Variants in PTPRJ observed in about 807,000 individuals in gnomAD.
PTPRJ encodes protein tyrosine phosphatase receptor type J.
PTPRJ carries 129 observed loss-of-function variants against 141.3 expected under a neutral mutation model. That is an observed-to-expected ratio of 0.91 (90% confidence interval 0.79 to 1.06). PTPRJ has a LOEUF of 1.06. Ranked by LOEUF, PTPRJ falls within the 50% of genes least tolerant of loss-of-function variation. PTPRJ has a pLI of 0.00. For missense variants in PTPRJ, 1,601 were observed against 1,679.7 expected (o/e 0.95, Z 0.82); for synonymous variants, 610 against 640.5 (o/e 0.95, Z 0.72).
rs746379677 is a variant in PTPRJ at position 48,121,157 on chromosome 11, A to G, written c.507A>G (p.Pro169=). 43 of 1,614,068 alleles carry G rather than the reference A, an allele frequency of 2.7e-5. No homozygotes were observed. The highest frequency in any genetic ancestry group is 2.4e-4 in the East Asian group (11 of 44,898). The part of the protein sequence containing the change: ...NEKTITVVHQ[P]WCNITGLRPA... ...AGACAATTACTGTTGTGCATCAACCATGGTGTAACATCACAGGCTTACGTC... is the reference window on the plus strand; with the variant it reads ...AGACAATTACTGTTGTGCATCAACCGTGGTGTAACATCACAGGCTTACGTC... The change falls in exon 4 of 25, where the codon CCA becomes CCG. Residue 169 remains proline, a synonymous_variant. Transcript: ENST00000418331.
At chr11:48,124,011 C>A in intron 5 of PTPRJ, 141 bp downstream of exon 5, 1 of 960,806 alleles carries the variant, frequency 1.0e-6, no homozygotes, top group Non-Finnish European at 1.5e-6. Context: ...TTAGTTTGAT[C>A]CCCCACCTGC....
At chr11:48,081,251 T>A (rs1479687279) in intron 1 of PTPRJ, among the ~76,000 whole-genome samples, 6 of 152,172 alleles carry the variant, frequency 3.9e-5, no homozygotes, top group Non-Finnish European at 8.8e-5. Context: ...TGCCCCCTCC[T>A]GCCGGCGACA....
intron 1 of PTPRJ, among the ~76,000 whole-genome samples, chr11:47,982,730 T>A (rs965557982): frequency 6.6e-6 from 1 of 151,900 alleles, no homozygotes; most frequent in African/African-American, 2.4e-5. Context: ...CCATAGTGGT[T>A]GCTAGCTGTG....
intron 5 of PTPRJ, 104 bp from the exon 6 acceptor site, chr11:48,124,864 G>A: frequency 9.7e-7 from 1 of 1,031,100 alleles, no homozygotes; most frequent in Non-Finnish European, 1.5e-6. Context: ...CACCAACTGT[G>A]GCCACTGTCT....
At chr11:48,081,569 C>T (rs138705174) in intron 1 of PTPRJ, among the ~76,000 whole-genome samples, 3 of 152,124 alleles carry the variant, frequency 2.0e-5, no homozygotes, top group African/African-American at 7.2e-5. Flanking sequence ...TTGTGTTGGT[C>T]GGTCGCCACA....
At chr11:48,091,328 G>A (rs759621522) in intron 1 of PTPRJ, among the ~76,000 whole-genome samples, 2 of 152,168 alleles carry the variant, frequency 1.3e-5, no homozygotes, top group Non-Finnish European at 2.9e-5. Flanking sequence ...CTGGCCTAGG[G>A]GAAGAGCTCA....
At chr11:48,092,446 T>C (rs1855896346) in intron 1 of PTPRJ, among the ~76,000 whole-genome samples, 1 of 151,788 alleles carries the variant, frequency 6.6e-6, no homozygotes, top group Admixed American at 6.6e-5. Flanking sequence ...TTCTTTTTTT[T>C]TGAGACAGAG....
At chr11:48,119,888 ACTC>A (rs1429138513) in intron 3 of PTPRJ, among the ~76,000 whole-genome samples, 1 of 152,000 alleles carries the variant, frequency 6.6e-6, no homozygotes, top group African/African-American at 2.4e-5. Context: ...TCTGGTTGTT[ACTC>A]CTCAGTCTTC....
rs1322635599 is a variant in PTPRJ at position 48,125,190 on chromosome 11, G to A, written c.1093+4G>A. The A allele has an allele frequency of 2.5e-6, 4 of 1,612,942 alleles. No individual in the cohort carries two copies. The highest frequency in any genetic ancestry group is 1.3e-5 in the African/African-American group (1 of 74,902). On this transcript the variant is annotated splice_donor_region_variant and intron_variant, in intron 6 of 24. Transcript: ENST00000418331. ...CAGGCCATAGAGTTCAGGACAAGTAGGTTGAACTTTGTAAAATGGTGGCAG... is the reference window on the plus strand; with the variant it reads ...CAGGCCATAGAGTTCAGGACAAGTAAGTTGAACTTTGTAAAATGGTGGCAG...
intron 4 of PTPRJ, among the ~76,000 whole-genome samples, chr11:48,122,251 G>T (rs1856724608): frequency 1.3e-5 from 2 of 152,194 alleles, no homozygotes; most frequent in African/African-American, 4.8e-5. Context: ...GGAGAGCACA[G>T]AGAGATGACA....
intron 1 of PTPRJ, among the ~76,000 whole-genome samples, chr11:47,987,111 G>A (rs1254310190): frequency 6.6e-6 from 1 of 152,132 alleles, no homozygotes; most frequent in East Asian, 1.9e-4. Flanking sequence ...GAGAGGCTGA[G>A]TTGGGAGGAT....
intron 1 of PTPRJ, among the ~76,000 whole-genome samples, chr11:48,010,569 C>CTCTG (rs1254604544): frequency 6.6e-6 from 1 of 152,052 alleles, no homozygotes; most frequent in Admixed American, 6.6e-5. Flanking sequence ...CGGAGTCTCA[C>CTCTG]TCTGTCACCC....
At position 47,988,599 on chromosome 11, in the gene PTPRJ, C is replaced by T. The variant is rs539662442; in HGVS notation, c.96+7591C>T. Among the ~76,000 whole-genome samples the T allele has an allele frequency of 3.4e-4, 52 of 152,276 alleles. 1 individual carries two copies. The highest frequency in any genetic ancestry group is 3.4e-3 in the Middle Eastern group (1 of 294). ...ACTTTAGTTGTTTTAGTACACCTCC[C>T]TGTCCCGTCACAAATCATACTTTGT... On this transcript the variant is annotated intron_variant, in intron 1 of 24. Coordinates refer to ENST00000418331, the MANE Select transcript of PTPRJ (RefSeq NM_002843.4).
chr11:48,080,844 C>A (rs1031685788), intron 1 of PTPRJ, among the ~76,000 whole-genome samples: 2 of 152,362 alleles, frequency 1.3e-5, no homozygotes, highest in South Asian at 2.1e-4. Context: ...TCCCCTTGGG[C>A]CCTAAGGCCA....
At chr11:48,040,741 A>T (rs186469720) in intron 1 of PTPRJ, among the ~76,000 whole-genome samples, 21 of 151,476 alleles carry the variant, frequency 1.4e-4, no homozygotes, top group African/African-American at 4.9e-4. Flanking sequence ...AGCTGGGATT[A>T]CAGGCACCTG....
chr11:48,078,979 C>T (rs1214309235), intron 1 of PTPRJ, among the ~76,000 whole-genome samples: 5 of 151,782 alleles, frequency 3.3e-5, no homozygotes, highest in Admixed American at 3.3e-4. Context: ...CAGCAGACCC[C>T]AGGTGTAGAC....
chr11:48,130,480 TC>T lies in PTPRJ; in HGVS notation c.1381del (p.Arg461GlufsTer2). The T allele has an allele frequency of 6.2e-7, 1 of 1,612,106 alleles. No individual in the cohort carries two copies. The highest frequency in any genetic ancestry group is 8.5e-7 in the Non-Finnish European group (1 of 1,178,768). On this transcript the variant is annotated frameshift_variant, in exon 8 of 25. Transcript: ENST00000418331. LOFTEE classifies it high-confidence loss of function. ...ATAGCCCCTGTTCCAGTTTCTGACTTCCGAGTGACAGTGGTCAGCACGACGG... is the reference window on the plus strand; with the variant it reads ...ATAGCCCCTGTTCCAGTTTCTGACTTCGAGTGACAGTGGTCAGCACGACGG... Reference protein sequence around the residue: ...VHTPPVPVSDFRVTVVSTTEI... With the variant: ...VHTPPVPVSDXRVTVVSTTEI...
In PTPRJ at chr11:48,125,140, A is replaced by G. The variant is rs1344209918; in HGVS notation, c.1047A>G (p.Ala349=). 1 of 1,614,120 alleles carries G rather than the reference A, an allele frequency of 6.2e-7. No homozygotes were observed. Among genetic ancestry groups the G allele is most frequent in the Non-Finnish European group, 8.5e-7 (1 of 1,180,028 alleles). ...TRYNATVYSQ[A]ANGTEGQPQA... ...ACAATGCCACCGTTTATTCCCAAGC[A>G]GCGAATGGCACAGAAGGACAGCCCC... The change falls in exon 6 of 25, where the codon GCA becomes GCG. Residue 349 remains alanine (A), a synonymous_variant. Transcript: ENST00000418331.
At chr11:47,986,300 C>T (rs1051271217) in intron 1 of PTPRJ, among the ~76,000 whole-genome samples, 10 of 152,170 alleles carry the variant, frequency 6.6e-5, no homozygotes, top group Non-Finnish European at 1.5e-4. Flanking sequence ...TGCTCTGCCA[C>T]TGCATAAACT....
Sources: allele counts gnomAD v4.1 joint callset (sites outside exome capture counted in the v4.1 genomes callset), GRCh38; gene constraint gnomAD v4.1.1; transcripts MANE v1.5; gene names NCBI Gene and HGNC (gene_info 2026-07-23, HGNC 2026-07-21).